CDH9: variants seen among roughly 807,000 people sequenced by gnomAD.
The protein encoded by CDH9 is cadherin-9.
A neutral mutation model predicts 70.9 loss-of-function variants in CDH9; 28 were observed. That is an observed-to-expected ratio of 0.40 (90% confidence interval 0.29 to 0.54). The LOEUF (loss-of-function observed/expected upper bound fraction) is 0.54. CDH9 is among the 20% of genes least tolerant of loss of function. CDH9 has a pLI of 0.59. For synonymous variants in CDH9, 409 were observed against 343.1 expected, an observed-to-expected ratio of 1.19 and a Z score of -2.12; for missense variants, 874 against 984.4, an observed-to-expected ratio of 0.89 and a Z score of 1.50.
intron 1 of CDH9, among the ~76,000 whole-genome samples, chr5:27,004,157 T>C (rs1019629320): frequency 2.7e-5 from 4 of 149,700 alleles, no homozygotes; most frequent in African/African-American, 9.8e-5. Flanking sequence ...TGGTGACATT[T>C]GAGCAGAAAG....
chr5:26,915,007 G>A (rs1478287258), intron 3 of CDH9, among the ~76,000 whole-genome samples: 3 of 152,086 alleles, frequency 2.0e-5, no homozygotes, highest in South Asian at 4.1e-4. Flanking sequence ...CTTAAGAAGT[G>A]AAACAATTAT....
chr5:27,024,643 T>G (rs1012343036), intron 1 of CDH9, among the ~76,000 whole-genome samples: 1 of 152,134 alleles, frequency 6.6e-6, no homozygotes, highest in Non-Finnish European at 1.5e-5. Flanking sequence ...CTTTGATACT[T>G]GCATTACCAC....
chr5:27,016,665 A>G (rs1172899862), intron 1 of CDH9, among the ~76,000 whole-genome samples: 2 of 151,858 alleles, frequency 1.3e-5, no homozygotes, highest in East Asian at 3.9e-4. Context: ...TAAAACCGAT[A>G]TGCAAATTAT....
chr5:26,946,383 T>C (rs189360698), intron 2 of CDH9, among the ~76,000 whole-genome samples: 2 of 152,276 alleles, frequency 1.3e-5, no homozygotes, highest in Non-Finnish European at 1.5e-5. Context: ...AACACTCTTT[T>C]GCTCAGACTG....
chr5:26,953,718 G>C (rs896710673), intron 2 of CDH9, among the ~76,000 whole-genome samples: 2 of 151,978 alleles, frequency 1.3e-5, no homozygotes, highest in African/African-American at 4.8e-5. Flanking sequence ...CCATCAGAAA[G>C]TTCTGTATCT....
At chr5:27,019,489 T>C (rs1743100772) in intron 1 of CDH9, among the ~76,000 whole-genome samples, 2 of 152,028 alleles carry the variant, frequency 1.3e-5, no homozygotes, top group African/African-American at 2.4e-5. Flanking sequence ...AGTCTATCAT[T>C]AGAAAATATT....
intron 2 of CDH9, among the ~76,000 whole-genome samples, chr5:26,924,771 C>T (rs926620256): frequency 6.6e-6 from 1 of 152,012 alleles, no homozygotes; most frequent in African/African-American, 2.4e-5. Flanking sequence ...TCTCATTGTT[C>T]AGTTCCCACC....
At chr5:27,010,202 C>A (rs1441509269) in intron 1 of CDH9, among the ~76,000 whole-genome samples, 2 of 152,064 alleles carry the variant, frequency 1.3e-5, no homozygotes. Flanking sequence ...TGAAACATTA[C>A]ACTCTTTGAA....
chr5:26,881,326 G>C lies in CDH9; in HGVS notation c.2180C>G (p.Pro727Arg). The C allele has an allele frequency of 6.2e-7, 1 of 1,612,882 alleles. No homozygotes were observed. Among genetic ancestry groups the C allele is most frequent in the Non-Finnish European group, 8.5e-7 (1 of 1,179,088 alleles). Residue 727 changes from proline to arginine, a missense_variant, in exon 12 of 12, where the codon CCA becomes CGA. By Grantham distance (103) the Pro-to-Arg change is moderately radical. Transcript: ENST00000231021. ...CAGCGAATCATATGGAGGTGCACTTGGGTCTGCGTCGTTTTCTTTTAATCT... is the reference window on the plus strand; with the variant it reads ...CAGCGAATCATATGGAGGTGCACTTCGGTCTGCGTCGTTTTCTTTTAATCT... ...HRRLKENDAD[P>R]SAPPYDSLAT... is the part of the protein sequence containing the mutation.
At chr5:26,893,848 A>C (rs1323069982) in intron 7 of CDH9, among the ~76,000 whole-genome samples, 1 of 152,042 alleles carries the variant, frequency 6.6e-6, no homozygotes, top group African/African-American at 2.4e-5. Flanking sequence ...TTAAACCTCT[A>C]TTTCCAGTTG....
chr5:26,929,837 A>G (rs1051442069), intron 2 of CDH9, among the ~76,000 whole-genome samples: 1 of 152,046 alleles, frequency 6.6e-6, no homozygotes, highest in Non-Finnish European at 1.5e-5. Context: ...TGGTTACCAG[A>G]GGCTGGGAAG....
rs143991163 is a variant in CDH9 at position 26,981,043 on chromosome 5, G to A, written c.228+7063C>T. On this transcript the variant is annotated intron_variant, in intron 2 of 11. Coordinates refer to ENST00000231021, the MANE Select transcript of CDH9 (RefSeq NM_016279.4). Reference sequence around the variant, plus strand: ...TCTAGCATAACTAACGCCCCATGTCGGTACATTGGTTTTTTGTTGGTGGAA... The same window carrying A: ...TCTAGCATAACTAACGCCCCATGTCAGTACATTGGTTTTTTGTTGGTGGAA... 6.2e-3 allele frequency among the ~76,000 whole-genome samples: 938 copies of A among 152,006 alleles called. 7 individuals are homozygous for A. Among genetic ancestry groups the A allele is most frequent in the African/African-American group, 0.021 (884 of 41,474 alleles).
rs59882843 is a variant in CDH9, at chr5:26,954,388, C to CTTTT, written c.228+33714_228+33717dup. ...AGCTTTTCGCTATTATACAGCCTTT[C>CTTTT]TTTTTTTTTTTTTTGAGACATAGTC... On this transcript the variant is annotated intron_variant, in intron 2 of 11. Coordinates refer to ENST00000231021, the MANE Select transcript of CDH9 (RefSeq NM_016279.4). 1.8e-4 allele frequency among the ~76,000 whole-genome samples: 17 copies of CTTTT among 93,064 alleles called. 2 individuals carry two copies. Among genetic ancestry groups the CTTTT allele is most frequent in the African/African-American group, 7.5e-4 (16 of 21,250 alleles). 61.1% of individuals were successfully genotyped at this position (93,064 alleles called of 152,430 possible). A position where few individuals can be genotyped will look rare whatever the true frequency, so the allele number is the denominator to read the frequency against.
chr5:26,994,123 T>C (rs2112097999), intron 1 of CDH9, among the ~76,000 whole-genome samples: 1 of 152,316 alleles, frequency 6.6e-6, no homozygotes, highest in Non-Finnish European at 1.5e-5. Context: ...ATTACCTGCT[T>C]GCTATCAGTG....
At chr5:26,957,280 A>G (rs1741963215) in intron 2 of CDH9, among the ~76,000 whole-genome samples, 1 of 152,146 alleles carries the variant, frequency 6.6e-6, no homozygotes, top group Non-Finnish European at 1.5e-5. Context: ...GGCATTTTGT[A>G]TGTTATTATT....
At chr5:27,033,654 C>A (rs999303808) in intron 1 of CDH9, among the ~76,000 whole-genome samples, 13 of 151,334 alleles carry the variant, frequency 8.6e-5, no homozygotes, top group African/African-American at 3.1e-4. Flanking sequence ...AACAAAAAAA[C>A]ACAATTTTTT....
chr5:26,975,812 TG>T (rs1439635031), intron 2 of CDH9, among the ~76,000 whole-genome samples: 1 of 152,172 alleles, frequency 6.6e-6, no homozygotes, highest in African/African-American at 2.4e-5. Flanking sequence ...GCTTTCCCTC[TG>T]AGGGTAATTC....
At chr5:27,021,997 T>C (rs1045666762) in intron 1 of CDH9, among the ~76,000 whole-genome samples, 1 of 151,992 alleles carries the variant, frequency 6.6e-6, no homozygotes, top group African/African-American at 2.4e-5. Flanking sequence ...CCTCCAGACA[T>C]TACATTGAAA....
chr5:26,982,857 AT>A (rs1010800499), intron 2 of CDH9, among the ~76,000 whole-genome samples: 71 of 149,392 alleles, frequency 4.8e-4, no homozygotes, highest in African/African-American at 1.7e-3. Flanking sequence ...TAATATTTGT[AT>A]TTTTTTTTAG....
Sources: allele counts gnomAD v4.1 joint callset (sites outside exome capture counted in the v4.1 genomes callset), GRCh38; gene constraint gnomAD v4.1.1; transcripts MANE v1.5; gene names NCBI Gene and HGNC (gene_info 2026-07-23, HGNC 2026-07-21).